CELA2A: variants seen among roughly 807,000 people sequenced by gnomAD.
CELA2A encodes chymotrypsin like elastase 2A.
A neutral mutation model predicts 35.3 loss-of-function variants in CELA2A; 31 were observed. The observed-to-expected ratio is 0.88, with a 90% CI of 0.66 to 1.19. The LOEUF is 1.19. CELA2A is among the 50% of genes most tolerant of loss of function. CELA2A has a pLI of 0.00. For synonymous variants in CELA2A, 150 were observed against 149.8 expected, an observed-to-expected ratio of 1.00 and a Z score of -0.01; for missense variants, 330 against 352.9, an observed-to-expected ratio of 0.94 and a Z score of 0.52.
At chr1:15,459,219 G>A (rs1480754266) in intron 2 of CELA2A, among the ~76,000 whole-genome samples, 1 of 151,068 alleles carries the variant, frequency 6.6e-6, no homozygotes, top group African/African-American at 2.4e-5. Context: ...GAGTACAGTG[G>A]CTGGTGAAAC....
At chr1:15,461,470 C>T (rs1272874133) in intron 2 of CELA2A, 91 bp from the exon 3 acceptor site, 55 of 1,417,444 alleles carry the variant, frequency 3.9e-5, no homozygotes, top group Non-Finnish European at 5.3e-5. Context: ...CTCCCCCTTA[C>T]CCTTGTCCCA....
At chr1:15,471,964 T>C (rs1421593765) in intron 7 of CELA2A, 26 bp from the exon 8 acceptor site, 16 of 1,613,984 alleles carry the variant, frequency 9.9e-6, no homozygotes, top group East Asian at 2.2e-5. Context: ...TAGGTGAACC[T>C]GACGATTATC....
Position 15,462,809 on chromosome 1 carries a change from G to A in CELA2A, c.304G>A (p.Val102Ile). 1 of 1,614,092 alleles carries A rather than the reference G, an allele frequency of 6.2e-7. No individual in the cohort carries two copies. Among genetic ancestry groups the A allele is most frequent in the Middle Eastern group, 1.6e-4 (1 of 6,062 alleles). Residue 102 changes from valine to isoleucine, a missense_variant, in exon 4 of 8, where the codon GTC becomes ATC. Physicochemically the swap from Val to Ile is conservative, Grantham distance 29. Coordinates refer to ENST00000359621, the MANE Select transcript of CELA2A (RefSeq NM_033440.3). ...VAESGSLAVSVSKIVVHKDWN... is the reference protein window; with the variant it reads ...VAESGSLAVSISKIVVHKDWN... ...GGAGTCCGGCTCGCTGGCAGTCAGTGTCTCTAAGATTGTGGTGCACAAGGA... is the reference window on the plus strand; with the variant it reads ...GGAGTCCGGCTCGCTGGCAGTCAGTATCTCTAAGATTGTGGTGCACAAGGA...
chr1:15,462,915 G>A, intron 4 of CELA2A, 54 bp downstream of exon 4: 1 of 1,612,322 alleles, frequency 6.2e-7, no homozygotes, highest in South Asian at 1.1e-5. Flanking sequence ...AACAGATGGG[G>A]GTCTCACAGA....
intron 2 of CELA2A, among the ~76,000 whole-genome samples, chr1:15,460,516 A>G (rs1708419222): frequency 6.6e-6 from 1 of 152,112 alleles, no homozygotes. Flanking sequence ...TCCATGCCCT[A>G]CTGTCACCTC....
At chr1:15,470,343 G>A (rs1353712323) in intron 7 of CELA2A, among the ~76,000 whole-genome samples, 1 of 152,144 alleles carries the variant, frequency 6.6e-6, no homozygotes, top group African/African-American at 2.4e-5. Flanking sequence ...GGAAATACAA[G>A]CAAAAGAGCA....
intron 4 of CELA2A, 90 bp downstream of exon 4, chr1:15,462,951 C>T (rs3815788): frequency 6.5e-7 from 1 of 1,547,032 alleles, no homozygotes; most frequent in Non-Finnish European, 8.9e-7. Flanking sequence ...CACACCACAC[C>T]CCCTCTGCTT....
At chr1:15,459,186 G>A (rs1258016061) in intron 2 of CELA2A, among the ~76,000 whole-genome samples, 1 of 144,270 alleles carries the variant, frequency 6.9e-6, no homozygotes, top group Non-Finnish European at 1.5e-5. Context: ...TTGAGACAGT[G>A]TCACATTCTG....
At chr1:15,465,119 C>T (rs1481179164) in intron 5 of CELA2A, among the ~76,000 whole-genome samples, 1 of 145,222 alleles carries the variant, frequency 6.9e-6, no homozygotes, top group Non-Finnish European at 1.5e-5. Flanking sequence ...TCAAGCGATT[C>T]TCCTGCCTCA....
At chr1:15,459,904 C>T (rs964392623) in intron 2 of CELA2A, among the ~76,000 whole-genome samples, 1 of 151,128 alleles carries the variant, frequency 6.6e-6, no homozygotes, top group African/African-American at 2.4e-5. Context: ...ATTGCTTGAG[C>T]CCAAGAGTTT....
At chr1:15,470,698 A>C (rs139147543) in intron 7 of CELA2A, among the ~76,000 whole-genome samples, 104 of 152,288 alleles carry the variant, frequency 6.8e-4, no homozygotes, top group African/African-American at 1.9e-3. Context: ...CTTCTGCCTC[A>C]GCCTCCTGAG....
intron 2 of CELA2A, among the ~76,000 whole-genome samples, chr1:15,458,633 C>T (rs1708392112): frequency 6.6e-6 from 1 of 152,086 alleles, no homozygotes; most frequent in African/African-American, 2.4e-5. Context: ...CAATGATAGG[C>T]CAGGCGTGGT....
intron 7 of CELA2A, among the ~76,000 whole-genome samples, chr1:15,469,227 G>C (rs1382432813): frequency 6.6e-6 from 1 of 152,126 alleles, no homozygotes; most frequent in Non-Finnish European, 1.5e-5. Flanking sequence ...TGAGAGGGCA[G>C]AGGAGCCACC....
chr1:15,470,996 C>G (rs1034571533), intron 7 of CELA2A, among the ~76,000 whole-genome samples: 9 of 152,218 alleles, frequency 5.9e-5, no homozygotes, highest in African/African-American at 2.2e-4. Context: ...AGTCTTCATA[C>G]TGTTCTGCAG....
intron 6 of CELA2A, among the ~76,000 whole-genome samples, chr1:15,466,567 C>CA (rs1272180150): frequency 1.3e-5 from 2 of 151,042 alleles, no homozygotes; most frequent in Admixed American, 6.6e-5. Context: ...AAAAAAAAAA[C>CA]AAAAAAACTT....
chr1:15,470,048 C>T (rs568320607), intron 7 of CELA2A, among the ~76,000 whole-genome samples: 16 of 152,322 alleles, frequency 1.1e-4, no homozygotes, highest in African/African-American at 3.6e-4. Context: ...ATCCACGGGG[C>T]AGCACGCCTC....
At chr1:15,470,496 A>G (rs1708575723) in intron 7 of CELA2A, among the ~76,000 whole-genome samples, 1 of 152,194 alleles carries the variant, frequency 6.6e-6, no homozygotes, top group Admixed American at 6.5e-5. Context: ...AAAAATATTA[A>G]AAGACTATAA....
At chr1:15,461,950 T>C in intron 3 of CELA2A, 1 of 606,934 alleles carries the variant, frequency 1.6e-6, no homozygotes. Context: ...GGATCTGGAA[T>C]TGGGTTCCCT....
chr1:15,460,651 CT>C (rs35179054), intron 2 of CELA2A, among the ~76,000 whole-genome samples: 84,474 of 144,728 alleles, frequency 0.58, 24,522 homozygotes, highest in East Asian at 0.75. Context: ...CCTTAAAGTT[CT>C]TTTTTTTTTT....
Sources: gnomAD v4.1 joint callset for allele counts (sites outside exome capture counted in the v4.1 genomes callset) on GRCh38, gnomAD v4.1.1 for gene constraint, MANE v1.5 for transcripts, NCBI Gene and HGNC (gene_info 2026-07-23, HGNC 2026-07-21) for gene names.